KIAA1958: variants seen among roughly 807,000 people sequenced by gnomAD.
KIAA1958 encodes KIAA1958.
In KIAA1958, 14 loss-of-function variants were observed where a neutral mutation model predicts 47.2. The ratio of observed to expected loss-of-function variants is 0.30; its 90% CI spans 0.20 to 0.46. KIAA1958 has a LOEUF of 0.46. Among genes scored for constraint, KIAA1958 ranks in the 20% least tolerant of loss-of-function variants. The pLI is 1.00. For synonymous variants in KIAA1958, 354 were observed against 353.3 expected (o/e 1.00, Z -0.02); for missense variants, 803 against 909.2 (o/e 0.88, Z 1.50).
At chr9:112,634,196 G>A (rs536771750) in intron 2 of KIAA1958, among the ~76,000 whole-genome samples, 1 of 152,086 alleles carries the variant, frequency 6.6e-6, no homozygotes, top group East Asian at 1.9e-4. Flanking sequence ...TATGTTTCCT[G>A]GAATATTAAT....
At chr9:112,611,609 G>A (rs368282872) in intron 2 of KIAA1958, among the ~76,000 whole-genome samples, 1 of 151,888 alleles carries the variant, frequency 6.6e-6, no homozygotes, top group African/African-American at 2.4e-5. Flanking sequence ...GAACAATATG[G>A]CAATAATCTA....
intron 2 of KIAA1958, among the ~76,000 whole-genome samples, chr9:112,610,929 T>C (rs1019581803): frequency 3.9e-5 from 6 of 152,178 alleles, no homozygotes; most frequent in African/African-American, 1.4e-4. Context: ...CATTAAATAA[T>C]GCTTCTACAT....
At chr9:112,556,919 C>T (rs1223243570) in intron 1 of KIAA1958, among the ~76,000 whole-genome samples, 1 of 152,156 alleles carries the variant, frequency 6.6e-6, no homozygotes, top group Non-Finnish European at 1.5e-5. Context: ...GGTGGGTAGA[C>T]ATATTTCAGA....
At chr9:112,506,087 A>G (rs780017790) in intron 1 of KIAA1958, among the ~76,000 whole-genome samples, 3 of 152,218 alleles carry the variant, frequency 2.0e-5, no homozygotes, top group Non-Finnish European at 4.4e-5. Context: ...TTTTTGAACT[A>G]TAGGGTAAAG....
At chr9:112,494,860 A>T (rs1373777017) in intron 1 of KIAA1958, among the ~76,000 whole-genome samples, 1 of 151,454 alleles carries the variant, frequency 6.6e-6, no homozygotes, top group Non-Finnish European at 1.5e-5. Flanking sequence ...GTCATTTCTT[A>T]TTGTACATCC....
intron 2 of KIAA1958, among the ~76,000 whole-genome samples, chr9:112,595,214 T>G (rs192583648): frequency 6.6e-6 from 1 of 152,186 alleles, no homozygotes; most frequent in Non-Finnish European, 1.5e-5. Flanking sequence ...AGAAAAACAA[T>G]TAGATACAAG....
At chr9:112,581,303 AT>A (rs1448460974) in intron 2 of KIAA1958, among the ~76,000 whole-genome samples, 2 of 152,224 alleles carry the variant, frequency 1.3e-5, no homozygotes, top group Non-Finnish European at 2.9e-5. Context: ...CAATAAATGG[AT>A]AATAGCCGCC....
intron 3 of KIAA1958, among the ~76,000 whole-genome samples, chr9:112,656,528 A>G (rs1837154540): frequency 6.6e-6 from 1 of 152,108 alleles, no homozygotes; most frequent in African/African-American, 2.4e-5. Context: ...ATTCTATTTA[A>G]CCTAATAACA....
At chr9:112,548,144 C>T (rs1438725589) in intron 1 of KIAA1958, among the ~76,000 whole-genome samples, 1 of 151,886 alleles carries the variant, frequency 6.6e-6, no homozygotes. Flanking sequence ...GGTGGGACTA[C>T]AGGCAAGCGC....
intron 1 of KIAA1958, among the ~76,000 whole-genome samples, chr9:112,504,188 C>CT (rs374393037): frequency 0.13 from 18,320 of 139,608 alleles, 1,574 homozygotes; most frequent in East Asian, 0.23. Flanking sequence ...TAGAGATTAT[C>CT]TTTTTTTTTT....
intron 1 of KIAA1958, among the ~76,000 whole-genome samples, chr9:112,538,522 G>A (rs1436951986): frequency 6.6e-6 from 1 of 152,138 alleles, no homozygotes; most frequent in Non-Finnish European, 1.5e-5. Flanking sequence ...AAGCAGAACA[G>A]CATTAGACAA....
intron 1 of KIAA1958, among the ~76,000 whole-genome samples, chr9:112,492,021 A>C (rs776660194): frequency 6.6e-6 from 1 of 152,158 alleles, no homozygotes; most frequent in Non-Finnish European, 1.5e-5. Flanking sequence ...CAAAAGCTCT[A>C]TCCTTTTTTC....
intron 1 of KIAA1958, among the ~76,000 whole-genome samples, chr9:112,520,176 G>C (rs906205226): frequency 5.3e-5 from 8 of 152,186 alleles, no homozygotes; most frequent in Admixed American, 1.3e-4. Flanking sequence ...ACTTAAGATG[G>C]AAAATAGAAA....
chr9:112,562,564 C>A (rs1399678566), intron 1 of KIAA1958, among the ~76,000 whole-genome samples: 2 of 152,250 alleles, frequency 1.3e-5, no homozygotes, highest in East Asian at 3.9e-4. Flanking sequence ...TAATGTGATC[C>A]TCACCTATTC....
chr9:112,516,272 C>T (rs1273096640), intron 1 of KIAA1958, among the ~76,000 whole-genome samples: 1 of 56,080 alleles, frequency 1.8e-5, no homozygotes. Context: ...AGTGAGACCT[C>T]ATCTCTTAAA....
chr9:112,657,401 G>A (rs932065828), intron 3 of KIAA1958, among the ~76,000 whole-genome samples: 2 of 151,960 alleles, frequency 1.3e-5, no homozygotes, highest in African/African-American at 4.8e-5. Flanking sequence ...CCCACTCTAC[G>A]ATTTTGAGTT....
chr9:112,626,379 C>CT (rs552534625), intron 2 of KIAA1958, among the ~76,000 whole-genome samples: 57 of 151,854 alleles, frequency 3.8e-4, no homozygotes, highest in African/African-American at 7.7e-4. Context: ...TGTGATTTGT[C>CT]TTTTTTTTGT....
At chr9:112,531,974 T>C (rs1834758778) in intron 1 of KIAA1958, among the ~76,000 whole-genome samples, 1 of 152,246 alleles carries the variant, frequency 6.6e-6, no homozygotes, top group South Asian at 2.1e-4. Flanking sequence ...TGGCTGGGGT[T>C]GCTGTCAGAC....
rs148794711 is a variant in KIAA1958 at position 112,613,719 on chromosome 9, C to T, written c.1172-31931C>T. Among the ~76,000 whole-genome samples the T allele has an allele frequency of 9.1e-4, 138 of 152,240 alleles. 1 individual carries two copies. Among genetic ancestry groups the T allele is most frequent in the Non-Finnish European group, 1.8e-3 (125 of 68,000 alleles). Reference sequence around the variant, plus strand: ...GATATCCCAATGAAAATTAAAACCACACTGGAGTACCACTACATGCCCAGA... The same window carrying T: ...GATATCCCAATGAAAATTAAAACCATACTGGAGTACCACTACATGCCCAGA... On this transcript the variant is annotated intron_variant, in intron 2 of 3. Coordinates refer to ENST00000337530, the MANE Select transcript of KIAA1958 (RefSeq NM_133465.4).
Sources: gnomAD v4.1 joint callset for allele counts (sites outside exome capture counted in the v4.1 genomes callset) on GRCh38, gnomAD v4.1.1 for gene constraint, MANE v1.5 for transcripts, NCBI Gene and HGNC (gene_info 2026-07-23, HGNC 2026-07-21) for gene names.